The following EDC3 variants were observed in gnomAD, a reference collection of about 807,000 sequenced individuals.
EDC3 encodes enhancer of mRNA decapping 3, also known as enhancer of mRNA-decapping protein 3.
In EDC3, 20 loss-of-function variants were observed where a neutral mutation model predicts 41.8. The ratio of observed to expected loss-of-function variants is 0.48; its 90% CI spans 0.34 to 0.70. The LOEUF (loss-of-function observed/expected upper bound fraction) is 0.70. Ranked by LOEUF, EDC3 falls within the 30% of genes least tolerant of loss-of-function variation. EDC3 has a pLI of 0.01. For missense variants in EDC3, 444 were observed against 636.8 expected (o/e 0.70, Z 3.26); for synonymous variants, 206 against 243.2 (o/e 0.85, Z 1.42).
At position 74,633,207 on chromosome 15, in the gene EDC3, G is replaced by A. The variant is rs114518769; in HGVS notation, c.1193-261C>T. On this transcript the variant is annotated intron_variant, in intron 6 of 6. Transcript: ENST00000315127. ...GGAGTTCTCAGGATGAACCATTGTC[G>A]TCCTGAGTGTGCAGAGCTTCTCAGG... Among the ~76,000 whole-genome samples, 430 of 152,072 alleles carry A rather than the reference G, an allele frequency of 2.8e-3. 6 individuals carry two copies. The highest frequency in any genetic ancestry group is 9.8e-3 in the African/African-American group (409 of 41,558).
intron 3 of EDC3, among the ~76,000 whole-genome samples, chr15:74,663,752 T>A (rs566388566): frequency 6.8e-6 from 1 of 146,414 alleles, no homozygotes; most frequent in African/African-American, 2.5e-5. Context: ...TCATGCCACA[T>A]GATGAGGAGC....
intron 5 of EDC3, chr15:74,636,233 G>A (rs1446317179): frequency 6.5e-6 from 1 of 154,996 alleles, no homozygotes; most frequent in African/African-American, 2.4e-5. Context: ...TCTTTACTGA[G>A]CTTAGTAGCT....
At chr15:74,649,566 TACTG>T (rs2062456931) in intron 4 of EDC3, among the ~76,000 whole-genome samples, 1 of 152,242 alleles carries the variant, frequency 6.6e-6, no homozygotes. Context: ...GAAATAATCT[TACTG>T]AGGTGGCCTT....
chr15:74,653,206 T>C (rs2141609851), intron 4 of EDC3, among the ~76,000 whole-genome samples: 1 of 150,926 alleles, frequency 6.6e-6, no homozygotes, highest in South Asian at 2.1e-4. Context: ...AAAAAAAACC[T>C]TTACCTCTCT....
At chr15:74,657,749 G>A (rs1288404087) in intron 3 of EDC3, among the ~76,000 whole-genome samples, 2 of 152,248 alleles carry the variant, frequency 1.3e-5, no homozygotes, top group African/African-American at 2.4e-5. Context: ...CCCAGCAGCA[G>A]GGAATCCCTG....
Position 74,632,962 on chromosome 15 carries a change from G to A in EDC3, c.1193-16C>T. 6.2e-7 allele frequency: 1 copy of A among 1,610,922 alleles called. No individual in the cohort carries two copies. The highest frequency in any genetic ancestry group is 1.1e-5 in the South Asian group (1 of 90,878). ...GTGGGCAGATCTGCAGGTGGAAAGA[G>A]TGCCATCTGAAAGTCCCTATGAGCA... On this transcript the variant is annotated splice_polypyrimidine_tract_variant and intron_variant, in intron 6 of 6. Transcript: ENST00000315127. This position sits in a 1 kb window ranked among gnomAD's most constrained non-coding sequence, Gnocchi z 4.0.
rs2062216367 is a variant in EDC3, at chr15:74,632,065, C to G, written c.*547G>C. On this transcript the variant is annotated 3_prime_UTR_variant, in exon 7 of 7. Coordinates refer to ENST00000315127, the MANE Select transcript of EDC3 (RefSeq NM_025083.5). This position sits in a 1 kb window ranked among gnomAD's most constrained non-coding sequence, Gnocchi z 4.0. ...GAGTAAGGGTCAAAACCCCCCAAAT[C>G]AACTTGTGGGGCTAGGGGAAGGCCT... The G allele has an allele frequency of 6.2e-6, 1 of 160,234 alleles. No homozygotes were observed. Among genetic ancestry groups the G allele is most frequent in the Admixed American group, 5.7e-5 (1 of 17,500 alleles). 9.9% of individuals were successfully genotyped at this position (160,234 alleles called of 1,614,324 possible).
intron 2 of EDC3, among the ~76,000 whole-genome samples, chr15:74,672,738 C>A (rs1167882657): frequency 2.6e-5 from 4 of 151,928 alleles, no homozygotes; most frequent in Non-Finnish European, 5.9e-5. Flanking sequence ...TCGTTTCACC[C>A]TGGGAGGCAA....
intron 3 of EDC3, among the ~76,000 whole-genome samples, chr15:74,662,838 G>C (rs1409158909): frequency 6.6e-6 from 1 of 152,180 alleles, no homozygotes; most frequent in East Asian, 1.9e-4. Flanking sequence ...ACAGGATACA[G>C]ACACTGCTAA....
At chr15:74,674,017 A>G (rs1483526464) in intron 2 of EDC3, among the ~76,000 whole-genome samples, 3 of 152,184 alleles carry the variant, frequency 2.0e-5, no homozygotes, top group Non-Finnish European at 4.4e-5. Context: ...GAATGGAGGA[A>G]TATGTGGAAT....
chr15:74,688,925 A>G (rs1352045015), intron 1 of EDC3, among the ~76,000 whole-genome samples: 2 of 151,188 alleles, frequency 1.3e-5, no homozygotes, highest in African/African-American at 4.9e-5. Context: ...AAAAAAAAAA[A>G]GTACATTTGT....
Position 74,656,176 on chromosome 15 carries a change from A to G in EDC3, c.485-108T>C. The G allele has an allele frequency of 2.8e-6, 3 of 1,063,868 alleles. No homozygotes were observed. In the South Asian group the frequency reaches 4.8e-5, roughly 17 times the overall value. The allele number at this position is 1,063,868 out of a possible 1,614,324, so 65.9% of individuals were successfully genotyped here. Reference sequence around the variant, plus strand: ...GAGTGTTACAGGAACCAATGTGAAAATGGTAAAGGTAACTATTGCAAACTC... The same window carrying G: ...GAGTGTTACAGGAACCAATGTGAAAGTGGTAAAGGTAACTATTGCAAACTC... On this transcript the variant is annotated intron_variant, in intron 3 of 6. Coordinates refer to ENST00000315127, the MANE Select transcript of EDC3 (RefSeq NM_025083.5).
chr15:74,645,124 C>G (rs1209725745), intron 4 of EDC3: 1 of 152,056 alleles, frequency 6.6e-6, no homozygotes, highest in African/African-American at 2.4e-5. Context: ...CAAAGGACAA[C>G]AAAAGTTGTA....
intron 4 of EDC3, among the ~76,000 whole-genome samples, chr15:74,652,167 G>C (rs2062488302): frequency 6.6e-6 from 1 of 151,774 alleles, no homozygotes; most frequent in South Asian, 2.1e-4. Context: ...TCTAACCATT[G>C]TAAGTTGGAG....
At position 74,632,559 on chromosome 15, in the gene EDC3, TTTG is replaced by T. The variant is rs762594910; in HGVS notation, c.*50_*52del. On this transcript the variant is annotated 3_prime_UTR_variant, in exon 7 of 7. Coordinates refer to ENST00000315127, the MANE Select transcript of EDC3 (RefSeq NM_025083.5). This position sits in a 1 kb window ranked among gnomAD's most constrained non-coding sequence, Gnocchi z 4.0. ...CATGAAGCTTCATATCCTTAAGGCG[TTTG>T]TTATCAGGAGCAGCAGGGGACAGCA... is the stretch of plus-strand genomic sequence containing the variant. 1.5e-4 allele frequency: 233 copies of T among 1,580,160 alleles called. No individual in the cohort carries two copies. The highest frequency in any genetic ancestry group is 1.9e-4 in the Non-Finnish European group (225 of 1,157,720).
intron 2 of EDC3, among the ~76,000 whole-genome samples, chr15:74,673,428 G>A (rs756197630): frequency 6.6e-6 from 1 of 152,098 alleles, no homozygotes; most frequent in Non-Finnish European, 1.5e-5. Flanking sequence ...CAAATCTACA[G>A]GAAAACATAA....
At chr15:74,686,315 G>C (rs1200018837) in intron 1 of EDC3, among the ~76,000 whole-genome samples, 1 of 149,952 alleles carries the variant, frequency 6.7e-6, no homozygotes, top group Admixed American at 6.6e-5. Context: ...ACGAGAACAA[G>C]ACTCGGTCTC....
intron 1 of EDC3, among the ~76,000 whole-genome samples, chr15:74,682,125 T>G (rs1405859945): frequency 1.3e-5 from 2 of 152,162 alleles, no homozygotes; most frequent in Non-Finnish European, 2.9e-5. Context: ...GTACAGCTAC[T>G]CTGGAAAACA....
chr15:74,637,868 T>C (rs1164910187), intron 5 of EDC3: 2 of 152,338 alleles, frequency 1.3e-5, no homozygotes, highest in Admixed American at 6.5e-5. Context: ...CATCCTATCA[T>C]GTGAGGCTTT....
Sources: allele counts gnomAD v4.1 joint callset (sites outside exome capture counted in the v4.1 genomes callset), GRCh38; gene constraint gnomAD v4.1.1; non-coding constraint Gnocchi (gnomAD v3.1); transcripts MANE v1.5; gene names NCBI Gene and HGNC (gene_info 2026-07-23, HGNC 2026-07-21).